The following PDCD4 variants were observed in gnomAD, a reference collection of about 807,000 sequenced individuals.
The protein encoded by PDCD4 is programmed cell death 4, also known as programmed cell death protein 4.
PDCD4 carries 56 observed loss-of-function variants against 54.0 expected under a neutral mutation model. The ratio of observed to expected loss-of-function variants is 1.04; its 90% CI spans 0.84 to 1.30. The LOEUF (loss-of-function observed/expected upper bound fraction) is 1.30, where lower values mean the gene tolerates loss of function less well. PDCD4 is among the 50% of genes most tolerant of loss of function. The pLI, the probability that PDCD4 is intolerant of heterozygous loss-of-function variation, is 0.00. For synonymous variants in PDCD4, 186 were observed against 194.8 expected, an observed-to-expected ratio of 0.95 and a Z score of 0.37; for missense variants, 584 against 559.8, an observed-to-expected ratio of 1.04 and a Z score of -0.44.
intron 2 of PDCD4, 25 bp from the exon 3 acceptor site, chr10:110,881,208 T>A: frequency 1.9e-6 from 3 of 1,566,072 alleles, no homozygotes; most frequent in Non-Finnish European, 2.6e-6. Context: ...TACTTAGAAT[T>A]TTTTTCTTCA....
rs777473848 is a variant in PDCD4, at chr10:110,889,425, T to G, written c.778-108T>G. On this transcript the variant is annotated intron_variant, in intron 6 of 11. Coordinates refer to ENST00000280154, the MANE Select transcript of PDCD4 (RefSeq NM_014456.5). The stretch of plus-strand genomic sequence containing the variant: ...AAAAAAAATTCCAGCATCTTTTAGG[T>G]ACTGACTGTGTACTTCAGCTAATCT... 4.8e-5 allele frequency: 35 copies of G among 725,370 alleles called. No homozygotes were observed. In the Middle Eastern group the frequency reaches 1.2e-3, roughly 24 times the overall value. The allele number at this position is 725,370 out of a possible 1,614,324, so 44.9% of individuals were successfully genotyped here.
At chr10:110,878,247 A>G (rs1453275627) in intron 2 of PDCD4, among the ~76,000 whole-genome samples, 5 of 152,240 alleles carry the variant, frequency 3.3e-5, no homozygotes, top group Admixed American at 1.3e-4. Flanking sequence ...TAAAAATGAT[A>G]AGGTCAAATA....
chr10:110,885,273 T>C lies in PDCD4; in HGVS notation c.462T>C (p.Thr154=). The change falls in exon 5 of 12, where the codon ACT becomes ACC. Residue 154 remains threonine (T), a synonymous_variant. Transcript: ENST00000280154. ...DDDQENCVYE[T]VVLPLDERAF... ...CAAAGGAGAACTGTGTTTATGAAAC[T>C]GTAGTTTTGCCTTTGGATGAAAGGG... is the stretch of plus-strand genomic sequence containing the variant. The C allele has an allele frequency of 2.6e-6, 4 of 1,567,270 alleles. No individual in the cohort carries two copies. Among genetic ancestry groups the C allele is most frequent in the Non-Finnish European group, 3.5e-6 (4 of 1,140,452 alleles).
At chr10:110,886,737 A>G (rs1408595215) in intron 5 of PDCD4, among the ~76,000 whole-genome samples, 1 of 152,186 alleles carries the variant, frequency 6.6e-6, no homozygotes, top group Non-Finnish European at 1.5e-5. Flanking sequence ...AGTATTAAAT[A>G]AGATAATATA....
chr10:110,896,934 A>T (rs1470127969), intron 11 of PDCD4, among the ~76,000 whole-genome samples: 4 of 152,206 alleles, frequency 2.6e-5, no homozygotes, highest in Non-Finnish European at 5.9e-5. Flanking sequence ...ATAGTTTAAT[A>T]GCTTTACTAG....
chr10:110,890,568 T>G lies in PDCD4; in HGVS notation c.888T>G (p.Asp296Glu). ...TCTTTCTCTGTAGAGCTGCTCTGGA[T>G]AAGGCTACCGTGCTTCTGAGTATGT... is the stretch of plus-strand genomic sequence containing the variant. ...VDCVQARAAL[D>E]KATVLLSMSK... is the part of the protein sequence containing the mutation. The change falls in exon 8 of 12, where the codon GAT (aspartate) becomes GAG (glutamate). Residue 296 changes from aspartate to glutamate, a missense_variant. By Grantham distance (45) the Asp-to-Glu change is conservative (BLOSUM62 2). Coordinates refer to ENST00000280154, the MANE Select transcript of PDCD4 (RefSeq NM_014456.5). 1 of 1,610,850 alleles carries G rather than the reference T, an allele frequency of 6.2e-7. No individual in the cohort carries two copies. The highest frequency in any genetic ancestry group is 8.5e-7 in the Non-Finnish European group (1 of 1,177,708).
chr10:110,899,597 T>C lies in PDCD4; in HGVS notation c.*1509T>C, dbSNP rs930696809. The C allele has an allele frequency of 3.3e-5, 5 of 152,162 alleles. No homozygotes were observed. The highest frequency in any genetic ancestry group is 1.2e-4 in the African/African-American group (5 of 41,412). 9.4% of individuals were successfully genotyped at this position (152,162 alleles called of 1,614,324 possible). A position where few individuals can be genotyped will look rare whatever the true frequency, so the allele number is the denominator to read the frequency against. On this transcript the variant is annotated 3_prime_UTR_variant, in exon 12 of 12. Transcript: ENST00000280154. ...CGGATCACTTGAGGTTGGGAGTTCA[T>C]GACCAGCTTGACCAACATGAAGAAA...
chr10:110,879,632 G>A (rs1845559806), intron 2 of PDCD4, among the ~76,000 whole-genome samples: 1 of 147,964 alleles, frequency 6.8e-6, no homozygotes, highest in Non-Finnish European at 1.5e-5. Context: ...CAGCCTGGGT[G>A]ACAGAGCGAC....
In PDCD4 at chr10:110,895,990, G is replaced by C. The variant is rs776025596; in HGVS notation, c.1252G>C (p.Asp418His). The C allele has an allele frequency of 6.2e-7, 1 of 1,603,304 alleles. No homozygotes were observed. The highest frequency in any genetic ancestry group is 8.5e-7 in the Non-Finnish European group (1 of 1,172,678). ...CAATGAAATTCCGGACATTAATCTG[G>C]ATGTCCCACATTCATACTCTGTGCT... is the stretch of plus-strand genomic sequence containing the variant. ...IYNEIPDINL[D>H]VPHSYSVLER... Residue 418 changes from aspartate (D) to histidine (H), a missense_variant, in exon 11 of 12, where the codon GAT becomes CAT. By Grantham distance (81) the Asp-to-His change is moderately conservative. Transcript: ENST00000280154.
Position 110,885,366 on chromosome 10 carries a change from G to A in PDCD4, c.555G>A (p.Ala185=), listed in dbSNP as rs1214494433. The change falls in exon 5 of 12, where the codon GCG becomes GCA. Residue 185 remains alanine (A), a splice_region_variant and synonymous_variant. Transcript: ENST00000280154. The part of the protein sequence containing the change: ...YFEHGDTNEV[A]EMLRDLNLGE... Reference sequence around the variant, plus strand: ...AGCATGGAGATACTAATGAAGTTGCGGTAGGTTTAAAGTTGCAAGTATAAT... The same window carrying A: ...AGCATGGAGATACTAATGAAGTTGCAGTAGGTTTAAAGTTGCAAGTATAAT... The A allele has an allele frequency of 3.5e-6, 5 of 1,445,578 alleles. No homozygotes were observed. The highest frequency in any genetic ancestry group is 2.8e-5 in the African/African-American group (2 of 70,562). The allele number at this position is 1,445,578 out of a possible 1,614,324, so 89.5% of individuals were successfully genotyped here.
chr10:110,874,528 T>G (rs1352534360), intron 1 of PDCD4, among the ~76,000 whole-genome samples: 4 of 152,156 alleles, frequency 2.6e-5, no homozygotes, highest in Non-Finnish European at 4.4e-5. Context: ...TTTAAGATTT[T>G]TTTTTCATAT....
chr10:110,880,845 G>A (rs1375275478), intron 2 of PDCD4, among the ~76,000 whole-genome samples: 1 of 152,140 alleles, frequency 6.6e-6, no homozygotes, highest in Non-Finnish European at 1.5e-5. Flanking sequence ...TTCTCAAGAT[G>A]CTTTGTCTTT....
chr10:110,892,317 T>C (rs1845768839), intron 8 of PDCD4, among the ~76,000 whole-genome samples: 1 of 152,178 alleles, frequency 6.6e-6, no homozygotes, highest in Non-Finnish European at 1.5e-5. Flanking sequence ...ACAAGCTGTT[T>C]TATGGTGTGT....
In PDCD4 at chr10:110,890,544, C is replaced by A. The variant is rs2295993; in HGVS notation, c.876-12C>A. 6 of 1,551,186 alleles carry A rather than the reference C, an allele frequency of 3.9e-6. No homozygotes were observed. The East Asian group carries it at 1.1e-4, about 30-fold the overall frequency. On this transcript the variant is annotated splice_polypyrimidine_tract_variant and intron_variant, in intron 7 of 11. Transcript: ENST00000280154. ...CCAGCTATCAAACTTAAATTTTTTTCTTTCTCTGTAGAGCTGCTCTGGATA... is the reference window on the plus strand; with the variant it reads ...CCAGCTATCAAACTTAAATTTTTTTATTTCTCTGTAGAGCTGCTCTGGATA...
At chr10:110,879,073 A>G (rs546898248) in intron 2 of PDCD4, among the ~76,000 whole-genome samples, 1 of 152,306 alleles carries the variant, frequency 6.6e-6, no homozygotes, top group African/African-American at 2.4e-5. Context: ...ATTCTGCTTA[A>G]AAGTCCTTCA....
chr10:110,897,461 T>C (rs1339767129), intron 11 of PDCD4, among the ~76,000 whole-genome samples: 2 of 152,328 alleles, frequency 1.3e-5, no homozygotes, highest in South Asian at 2.1e-4. Context: ...TGCCACTACA[T>C]GTAGGTAAGA....
chr10:110,876,160 T>G (rs1845501173), intron 2 of PDCD4, 90 bp downstream of exon 2: 1 of 994,818 alleles, frequency 1.0e-6, no homozygotes, highest in African/African-American at 1.7e-5. Flanking sequence ...GGTGTGATCA[T>G]GGCTCACTGC....
rs776860452 is a variant in PDCD4 at position 110,890,554 on chromosome 10, A to G, written c.876-2A>G. On this transcript the variant is annotated splice_acceptor_variant, in intron 7 of 11. Coordinates refer to ENST00000280154, the MANE Select transcript of PDCD4 (RefSeq NM_014456.5). LOFTEE classifies it high-confidence loss of function. ...AACTTAAATTTTTTTCTTTCTCTGTAGAGCTGCTCTGGATAAGGCTACCGT... is the reference window on the plus strand; with the variant it reads ...AACTTAAATTTTTTTCTTTCTCTGTGGAGCTGCTCTGGATAAGGCTACCGT... The G allele has an allele frequency of 1.9e-6, 3 of 1,590,466 alleles. No individual in the cohort carries two copies. The highest frequency in any genetic ancestry group is 2.6e-6 in the Non-Finnish European group (3 of 1,162,628).
At chr10:110,893,114 C>T (rs1207784076) in intron 8 of PDCD4, among the ~76,000 whole-genome samples, 1 of 151,858 alleles carries the variant, frequency 6.6e-6, no homozygotes, top group African/African-American at 2.4e-5. Flanking sequence ...TGCACCATGA[C>T]AGAGTCATCT....
Sources: allele counts gnomAD v4.1 joint callset (sites outside exome capture counted in the v4.1 genomes callset), GRCh38; gene constraint gnomAD v4.1.1; transcripts MANE v1.5; gene names NCBI Gene and HGNC (gene_info 2026-07-23, HGNC 2026-07-21).